The following NTNG1 variants were observed in gnomAD, a reference collection of about 807,000 sequenced individuals.
The protein encoded by NTNG1 is netrin G1, also known as netrin-G1.
NTNG1 carries 16 observed loss-of-function variants against 54.0 expected under a neutral mutation model. The ratio of observed to expected loss-of-function variants is 0.30; its 90% CI spans 0.20 to 0.45. The LOEUF is 0.45. Among genes scored for constraint, NTNG1 ranks in the 20% least tolerant of loss-of-function variants. The pLI, the probability that NTNG1 is intolerant of heterozygous loss-of-function variation, is 1.00. For missense variants in NTNG1, 530 were observed against 678.7 expected (o/e 0.78, Z 2.43); for synonymous variants, 255 against 263.1 (o/e 0.97, Z 0.30).
chr1:107,170,037 T>G (rs1461150220), intron 2 of NTNG1, among the ~76,000 whole-genome samples: 1 of 152,164 alleles, frequency 6.6e-6, no homozygotes, highest in Non-Finnish European at 1.5e-5. Flanking sequence ...TTATCTAGGA[T>G]AATCTCCCTT....
At chr1:107,172,638 A>C (rs999527071) in intron 2 of NTNG1, among the ~76,000 whole-genome samples, 2 of 152,146 alleles carry the variant, frequency 1.3e-5, no homozygotes, top group African/African-American at 2.4e-5. Flanking sequence ...TGGTTAAGAC[A>C]TTCTTGGGCT....
At chr1:107,198,084 A>C (rs1435532448) in intron 2 of NTNG1, among the ~76,000 whole-genome samples, 1 of 152,016 alleles carries the variant, frequency 6.6e-6, no homozygotes, top group Non-Finnish European at 1.5e-5. Context: ...AGTAAAATTT[A>C]AAATGTTCTT....
intron 2 of NTNG1, among the ~76,000 whole-genome samples, chr1:107,238,731 C>T (rs1378262478): frequency 6.6e-6 from 1 of 151,866 alleles, no homozygotes; most frequent in Non-Finnish European, 1.5e-5. Context: ...CTTGCTCCTA[C>T]TTGCCTTTCA....
In NTNG1 at chr1:107,229,328, G is replaced by A. The variant is rs555965030; in HGVS notation, c.246+80489G>A. ...ATGTCATTTTCTCATCAAGTATGCC[G>A]TCTCTAAAAATAAAAGACAGCAAGC... is the stretch of plus-strand genomic sequence containing the variant. On this transcript the variant is annotated intron_variant, in intron 2 of 7. Transcript: ENST00000370068. Among the ~76,000 whole-genome samples, 15 of 147,984 alleles carry A rather than the reference G, an allele frequency of 1.0e-4. 1 individual carries two copies. Among genetic ancestry groups the A allele is most frequent in the Admixed American group, 5.5e-4 (8 of 14,626 alleles).
At chr1:107,192,380 TA>T (rs1238548626) in intron 2 of NTNG1, among the ~76,000 whole-genome samples, 2 of 152,024 alleles carry the variant, frequency 1.3e-5, no homozygotes, top group Non-Finnish European at 2.9e-5. Context: ...AAGACATAAG[TA>T]GATGGATTTT....
At chr1:107,309,155 T>C (rs974815439) in intron 2 of NTNG1, among the ~76,000 whole-genome samples, 1 of 152,214 alleles carries the variant, frequency 6.6e-6, no homozygotes, top group Non-Finnish European at 1.5e-5. Flanking sequence ...CCTTTCATTT[T>C]ATACTGCACT....
At chr1:107,335,301 G>C (rs1215888222) in intron 3 of NTNG1, among the ~76,000 whole-genome samples, 2 of 151,906 alleles carry the variant, frequency 1.3e-5, no homozygotes, top group South Asian at 2.1e-4. Flanking sequence ...TTTGCTTCTT[G>C]AGTTTACCAA....
intron 2 of NTNG1, among the ~76,000 whole-genome samples, chr1:107,162,690 G>A (rs1655497825): frequency 6.6e-6 from 1 of 151,966 alleles, no homozygotes; most frequent in Admixed American, 6.6e-5. Context: ...CTTACATCTG[G>A]CCACCCGAAT....
chr1:107,336,808 G>T (rs1668606300), intron 3 of NTNG1, among the ~76,000 whole-genome samples: 1 of 151,718 alleles, frequency 6.6e-6, no homozygotes, highest in East Asian at 1.9e-4. Context: ...AATGAGCAAA[G>T]GACTTAAATA....
chr1:107,303,750 G>A (rs1018756181), intron 2 of NTNG1, among the ~76,000 whole-genome samples: 2 of 151,924 alleles, frequency 1.3e-5, no homozygotes, highest in South Asian at 2.1e-4. Flanking sequence ...GCAGTGGAAC[G>A]ATCTCGGCTC....
At chr1:107,398,585 C>CTT (rs1672831793) in intron 4 of NTNG1, among the ~76,000 whole-genome samples, 1 of 152,122 alleles carries the variant, frequency 6.6e-6, no homozygotes, top group Non-Finnish European at 1.5e-5. Context: ...TTTCCCTATG[C>CTT]TTTTCATGAC....
chr1:107,369,916 A>G (rs75818580), intron 3 of NTNG1, among the ~76,000 whole-genome samples: 2,160 of 152,254 alleles, frequency 0.014, 39 homozygotes, highest in African/African-American at 0.049. Context: ...GTAAGCGATG[A>G]AGGTATGAAT....
chr1:107,373,790 C>T (rs1671069626), intron 3 of NTNG1, among the ~76,000 whole-genome samples: 1 of 152,066 alleles, frequency 6.6e-6, no homozygotes, highest in African/African-American at 2.4e-5. Context: ...CCTCAACATC[C>T]TGGGTTCAAG....
At chr1:107,155,786 T>A in intron 2 of NTNG1, among the ~76,000 whole-genome samples, 1 of 152,206 alleles carries the variant, frequency 6.6e-6, no homozygotes, top group East Asian at 1.9e-4. Flanking sequence ...TATTTTAAAG[T>A]CATGCACTAC....
At chr1:107,442,435 A>G (rs1443164261) in intron 7 of NTNG1, among the ~76,000 whole-genome samples, 1 of 152,144 alleles carries the variant, frequency 6.6e-6, no homozygotes, top group Non-Finnish European at 1.5e-5. Flanking sequence ...AGACCTCTAC[A>G]TTAACCAACT....
At chr1:107,216,845 A>T (rs1348376276) in intron 2 of NTNG1, among the ~76,000 whole-genome samples, 2 of 151,836 alleles carry the variant, frequency 1.3e-5, no homozygotes, top group East Asian at 3.9e-4. Flanking sequence ...GACCAGCTTA[A>T]TTTTTGTATT....
chr1:107,142,050 G>A lies in NTNG1; in HGVS notation c.-526+910G>A, dbSNP rs142883388. Reference sequence around the variant, plus strand: ...CTGGGGAGAAAGGGAAATTGAAAGAGGAAGACTTGGTGTAGGGATGCTGTT... The same window carrying A: ...CTGGGGAGAAAGGGAAATTGAAAGAAGAAGACTTGGTGTAGGGATGCTGTT... On this transcript the variant is annotated intron_variant, in intron 1 of 7. Transcript: ENST00000370068. 4.6e-5 allele frequency among the ~76,000 whole-genome samples: 7 copies of A among 152,258 alleles called. No homozygotes were observed. The East Asian group carries it at 1.4e-3, about 29-fold the overall frequency.
At chr1:107,473,512 A>C (rs975810272) in intron 7 of NTNG1, among the ~76,000 whole-genome samples, 5 of 152,220 alleles carry the variant, frequency 3.3e-5, no homozygotes, top group Admixed American at 3.3e-4. Context: ...GAAAGGAATC[A>C]AGGTCTCGTA....
At chr1:107,187,856 A>C (rs1373520300) in intron 2 of NTNG1, among the ~76,000 whole-genome samples, 1 of 152,138 alleles carries the variant, frequency 6.6e-6, no homozygotes, top group East Asian at 1.9e-4. Flanking sequence ...CAGAGATTGG[A>C]GCAGGAAGGA....
Sources: allele counts gnomAD v4.1 joint callset (sites outside exome capture counted in the v4.1 genomes callset), GRCh38; gene constraint gnomAD v4.1.1; transcripts MANE v1.5; gene names NCBI Gene and HGNC (gene_info 2026-07-23, HGNC 2026-07-21).